FMN2: variants seen among roughly 807,000 people sequenced by gnomAD.
FMN2 encodes formin 2, also known as formin-2.
A neutral mutation model predicts 142.3 loss-of-function variants in FMN2; 51 were observed. The observed-to-expected ratio is 0.36, with a 90% CI of 0.29 to 0.45. FMN2 has a LOEUF of 0.45. Among genes scored for constraint, FMN2 ranks in the 20% least tolerant of loss-of-function variants. FMN2 has a pLI of 1.00. For synonymous variants in FMN2, 882 were observed against 869.8 expected (o/e 1.01, Z -0.25); for missense variants, 1,936 against 2,122.8 (o/e 0.91, Z 1.73).
chr1:240,125,911 T>C (rs1296736035), intron 2 of FMN2, among the ~76,000 whole-genome samples: 1 of 152,158 alleles, frequency 6.6e-6, no homozygotes, highest in Non-Finnish European at 1.5e-5. Context: ...TTCCTCAGAA[T>C]TGGGAATTTC....
At chr1:240,294,423 G>A (rs1305279835) in intron 7 of FMN2, among the ~76,000 whole-genome samples, 1 of 152,078 alleles carries the variant, frequency 6.6e-6, no homozygotes, top group Non-Finnish European at 1.5e-5. Flanking sequence ...TTTCACCTTT[G>A]TCAAAGGTCC....
rs10714200 is a variant in FMN2, at chr1:240,429,031, CT to C, written c.4911-9029del. ...TTAAAAACTTTTCCTTATTTTATTT[CT>C]GTTTTCATTAAGACATTAGCTGTTG... On this transcript the variant is annotated intron_variant, in intron 15 of 17. Coordinates refer to ENST00000319653, the MANE Select transcript of FMN2 (RefSeq NM_020066.5). Among the ~76,000 whole-genome samples, 929 of 152,074 alleles carry C rather than the reference CT, an allele frequency of 6.1e-3. 7 individuals carry two copies. The highest frequency in any genetic ancestry group is 0.021 in the African/African-American group (887 of 41,502).
intron 16 of FMN2, among the ~76,000 whole-genome samples, chr1:240,443,694 A>G (rs1316923525): frequency 6.6e-6 from 1 of 152,182 alleles, no homozygotes; most frequent in Non-Finnish European, 1.5e-5. Flanking sequence ...CGTAGGGTGC[A>G]GTGAGCTGAG....
intron 15 of FMN2, among the ~76,000 whole-genome samples, chr1:240,425,729 G>A (rs1365923350): frequency 6.6e-6 from 1 of 152,168 alleles, no homozygotes; most frequent in Non-Finnish European, 1.5e-5. Context: ...AGAGCATATG[G>A]TAATGTCTGC....
chr1:240,227,611 T>G (rs1337055968), intron 6 of FMN2, among the ~76,000 whole-genome samples: 2 of 152,184 alleles, frequency 1.3e-5, no homozygotes, highest in Non-Finnish European at 2.9e-5. Flanking sequence ...TATTGGTCAA[T>G]GGAATATATT....
chr1:240,391,501 T>TG lies in FMN2; in HGVS notation c.4859-1009dup, dbSNP rs1673601191. Among the ~76,000 whole-genome samples the TG allele has an allele frequency of 2.6e-5, 4 of 152,322 alleles. No homozygotes were observed. In the South Asian group the frequency reaches 8.3e-4, roughly 32 times the overall value. On this transcript the variant is annotated intron_variant, in intron 14 of 17. Transcript: ENST00000319653. ...TAAGTTCTCCAAATGGCCCCACATGTGACCCAAAGAGGAATGATAATAAAA... is the reference window on the plus strand; with the variant it reads ...TAAGTTCTCCAAATGGCCCCACATGTGGACCCAAAGAGGAATGATAATAAAA...
At chr1:240,095,373 G>C (rs1242459055) in intron 1 of FMN2, among the ~76,000 whole-genome samples, 1 of 107,952 alleles carries the variant, frequency 9.3e-6, no homozygotes, top group Admixed American at 1.0e-4. Context: ...ACATTTGTAA[G>C]CATATATGTG....
intron 16 of FMN2, among the ~76,000 whole-genome samples, chr1:240,463,601 G>T (rs1676517067): frequency 6.6e-6 from 1 of 152,210 alleles, no homozygotes. Context: ...CATTTGAAAG[G>T]AAGCTTAATA....
At chr1:240,387,331 T>G (rs1673440029) in intron 14 of FMN2, among the ~76,000 whole-genome samples, 1 of 152,244 alleles carries the variant, frequency 6.6e-6, no homozygotes, top group African/African-American at 2.4e-5. Context: ...CACAGTATGT[T>G]TGGAATAAAA....
In FMN2 at chr1:240,333,954, A is replaced by G. The variant is rs772558133; in HGVS notation, c.4644+8A>G. 1 of 1,603,926 alleles carries G rather than the reference A, an allele frequency of 6.2e-7. No individual in the cohort carries two copies. Among genetic ancestry groups the G allele is most frequent in the Admixed American group, 1.7e-5 (1 of 59,274 alleles). The stretch of plus-strand genomic sequence containing the variant: ...CTCCGAAATTTTGATGAGGTAAGAC[A>G]ATTTTTACATATAGTCATATTCCAT... On this transcript the variant is annotated splice_region_variant and intron_variant, in intron 12 of 17. Transcript: ENST00000319653.
chr1:240,096,292 T>A (rs1661193220), intron 1 of FMN2, among the ~76,000 whole-genome samples: 1 of 152,214 alleles, frequency 6.6e-6, no homozygotes. Flanking sequence ...AATTAGATTT[T>A]CCAGTTCCTG....
At chr1:240,205,414 T>A (rs1425711832) in intron 4 of FMN2, among the ~76,000 whole-genome samples, 1 of 152,022 alleles carries the variant, frequency 6.6e-6, no homozygotes, top group African/African-American at 2.4e-5. Flanking sequence ...TCATCTGTTA[T>A]TCATATTAAA....
intron 15 of FMN2, among the ~76,000 whole-genome samples, chr1:240,425,486 A>G (rs1674909139): frequency 6.6e-6 from 1 of 152,110 alleles, no homozygotes; most frequent in Non-Finnish European, 1.5e-5. Flanking sequence ...TTGTGGATCC[A>G]TTCTTTTTTT....
At chr1:240,352,994 A>C (rs1672146206) in intron 13 of FMN2, among the ~76,000 whole-genome samples, 1 of 152,176 alleles carries the variant, frequency 6.6e-6, no homozygotes, top group African/African-American at 2.4e-5. Context: ...ACGTCACTGT[A>C]GGAGTTCTGT....
At position 240,106,967 on chromosome 1, in the gene FMN2, A is replaced by C. The variant is rs1661639055; in HGVS notation, c.1615+13243A>C. 1.3e-5 allele frequency among the ~76,000 whole-genome samples: 2 copies of C among 151,622 alleles called. 1 individual carries two copies. The highest frequency in any genetic ancestry group is 4.8e-5 in the African/African-American group (2 of 41,252). On this transcript the variant is annotated intron_variant, in intron 1 of 17. Transcript: ENST00000319653. ...CCAAAGTGCCGGTTTTACAGGCATG[A>C]GCCACCATGCCCGGCCTTTTCCAGG...
At chr1:240,107,753 A>G (rs952509781) in intron 1 of FMN2, among the ~76,000 whole-genome samples, 1 of 151,354 alleles carries the variant, frequency 6.6e-6, no homozygotes, top group African/African-American at 2.5e-5. Context: ...TCTCTTCCCC[A>G]GGAAAAAAAA....
intron 11 of FMN2, among the ~76,000 whole-genome samples, chr1:240,332,038 G>C (rs556127233): frequency 3.7e-4 from 56 of 152,002 alleles, no homozygotes; most frequent in Non-Finnish European, 7.5e-4. Flanking sequence ...CTCTGTGTAC[G>C]TGTGTGTGTG....
Position 240,281,194 on chromosome 1 carries a change from A to G in FMN2, c.4154-13628A>G, listed in dbSNP as rs140365901. Among the ~76,000 whole-genome samples the G allele has an allele frequency of 6.0e-3, 913 of 152,222 alleles. 10 individuals carry two copies. Among genetic ancestry groups the G allele is most frequent in the African/African-American group, 0.02 (840 of 41,538 alleles). On this transcript the variant is annotated intron_variant, in intron 7 of 17. Coordinates refer to ENST00000319653, the MANE Select transcript of FMN2 (RefSeq NM_020066.5). The stretch of plus-strand genomic sequence containing the variant: ...GAGATGTACCAGTGTTGGATTGTGT[A>G]TGGGATTTAGTTTTTTCTTGCAGGA...
At chr1:240,202,198 G>A (rs942568928) in intron 4 of FMN2, among the ~76,000 whole-genome samples, 1 of 152,160 alleles carries the variant, frequency 6.6e-6, no homozygotes, top group African/African-American at 2.4e-5. Flanking sequence ...GATTGCGAGA[G>A]CCAATCCAAG....
Sources: gnomAD v4.1 joint callset for allele counts (sites outside exome capture counted in the v4.1 genomes callset) on GRCh38, gnomAD v4.1.1 for gene constraint, MANE v1.5 for transcripts, NCBI Gene and HGNC (gene_info 2026-07-23, HGNC 2026-07-21) for gene names.